Variants in GTF2H1 observed in about 807,000 individuals in gnomAD.
The protein encoded by GTF2H1 is general transcription factor IIH subunit 1.
A neutral mutation model predicts 71.2 loss-of-function variants in GTF2H1; 16 were observed. The ratio of observed to expected loss-of-function variants is 0.22; its 90% CI spans 0.15 to 0.34. GTF2H1 has a LOEUF of 0.34. Among genes scored for constraint, GTF2H1 ranks in the 10% least tolerant of loss-of-function variants. GTF2H1 has a pLI of 1.00. For synonymous variants in GTF2H1, 215 were observed against 219.0 expected (o/e 0.98, Z 0.16); for missense variants, 498 against 648.2 (o/e 0.77, Z 2.52).
chr11:18,358,216 T>C, intron 12 of GTF2H1, 174 bp downstream of exon 12: 2 of 615,372 alleles, frequency 3.3e-6, no homozygotes, highest in Non-Finnish European at 5.8e-6. Context: ...GATCTTAGGT[T>C]TCAGAACCGT....
In GTF2H1 at chr11:18,326,361, A is replaced by G. The variant is rs1253291213; in HGVS notation, c.-16+3621A>G. On this transcript the variant is annotated intron_variant, in intron 1 of 14. Transcript: ENST00000265963. ...ACATGGCGAAACCCCATCTCTACCA[A>G]ATGTAGAAAAATTAGCGAGGTGTGG... Among the ~76,000 whole-genome samples the G allele has an allele frequency of 2.6e-5, 4 of 152,062 alleles. No homozygotes were observed. The East Asian group carries it at 7.7e-4, about 29-fold the overall frequency.
chr11:18,350,647 GC>G (rs955351581), intron 9 of GTF2H1, among the ~76,000 whole-genome samples: 1 of 152,264 alleles, frequency 6.6e-6, no homozygotes, highest in South Asian at 2.1e-4. Flanking sequence ...TAAAGCTGGA[GC>G]AATTTAAAAC....
chr11:18,338,905 T>A (rs968062581), intron 4 of GTF2H1, among the ~76,000 whole-genome samples: 1 of 152,224 alleles, frequency 6.6e-6, no homozygotes, highest in Non-Finnish European at 1.5e-5. Flanking sequence ...AATACTTACT[T>A]TTTCAAATAT....
At chr11:18,352,766 C>T (rs1865455520) in intron 11 of GTF2H1, among the ~76,000 whole-genome samples, 1 of 152,214 alleles carries the variant, frequency 6.6e-6, no homozygotes, top group South Asian at 2.1e-4. Flanking sequence ...ATGACTCAGG[C>T]TTAAAATATG....
intron 9 of GTF2H1, 109 bp from the exon 10 acceptor site, chr11:18,351,772 G>A: frequency 1.6e-6 from 1 of 620,380 alleles, no homozygotes; most frequent in Non-Finnish European, 2.9e-6. Flanking sequence ...GAAGCTCATG[G>A]TGGGAAGACT....
intron 1 of GTF2H1, among the ~76,000 whole-genome samples, chr11:18,325,750 A>G (rs965477562): frequency 6.6e-6 from 1 of 152,250 alleles, no homozygotes; most frequent in Non-Finnish European, 1.5e-5. Context: ...AGAGCAAGGT[A>G]TATGAATTTA....
chr11:18,363,849 G>T (rs1019234326), intron 14 of GTF2H1, among the ~76,000 whole-genome samples: 3 of 151,948 alleles, frequency 2.0e-5, no homozygotes, highest in South Asian at 4.1e-4. Context: ...GAGGCGGGTG[G>T]ATCACCTGAG....
intron 1 of GTF2H1, among the ~76,000 whole-genome samples, chr11:18,328,357 C>A (rs923045331): frequency 2.7e-5 from 4 of 149,930 alleles, no homozygotes; most frequent in Non-Finnish European, 5.9e-5. Flanking sequence ...CTAAAAAATA[C>A]AAAAATTAGC....
chr11:18,340,629 A>G (rs1051642913), intron 5 of GTF2H1, among the ~76,000 whole-genome samples: 3 of 152,132 alleles, frequency 2.0e-5, no homozygotes, highest in African/African-American at 7.2e-5. Context: ...TGTAGTGTTT[A>G]TTATGTGCCA....
chr11:18,356,924 A>G (rs193077633), intron 11 of GTF2H1, among the ~76,000 whole-genome samples: 18 of 151,560 alleles, frequency 1.2e-4, no homozygotes, highest in African/African-American at 4.4e-4. Flanking sequence ...CCAAGTAGCT[A>G]GGACTACAGG....
At chr11:18,365,301 C>T (rs1438497954) in intron 14 of GTF2H1, among the ~76,000 whole-genome samples, 1 of 152,008 alleles carries the variant, frequency 6.6e-6, no homozygotes, top group Non-Finnish European at 1.5e-5. Flanking sequence ...CTGCTTGGAC[C>T]TGTGAGGTGG....
In GTF2H1 at chr11:18,361,747, G is replaced by A. The variant is rs150657100; in HGVS notation, c.1560+1040G>A. Among the ~76,000 whole-genome samples, 3 of 152,292 alleles carry A rather than the reference G, an allele frequency of 2.0e-5. No homozygotes were observed. The East Asian group carries it at 5.8e-4, about 29-fold the overall frequency. On this transcript the variant is annotated intron_variant, in intron 14 of 14. Transcript: ENST00000265963. ...TTAATTTGGAAAAACTGAGTAGCAA[G>A]CACAAACCTAGCAGCGTAAGGAAAG...
chr11:18,360,742 T>C (rs1865676284), intron 14 of GTF2H1, 35 bp downstream of exon 14: 1 of 1,059,854 alleles, frequency 9.4e-7, no homozygotes, highest in East Asian at 2.5e-5. Flanking sequence ...CTGATCTTCT[T>C]TCTCTTTGTA....
intron 14 of GTF2H1, among the ~76,000 whole-genome samples, chr11:18,363,600 A>T (rs986952525): frequency 6.6e-6 from 1 of 152,230 alleles, no homozygotes; most frequent in Non-Finnish European, 1.5e-5. Context: ...ATCATCAGCA[A>T]GATTTTTCAT....
chr11:18,343,665 G>A, intron 7 of GTF2H1, among the ~76,000 whole-genome samples: 1 of 152,160 alleles, frequency 6.6e-6, no homozygotes. Context: ...AGCTCTAGCT[G>A]CCTACTTGAC....
At position 18,350,566 on chromosome 11, in the gene GTF2H1, T is replaced by C. The variant is rs117646910; in HGVS notation, c.1054-1315T>C. 4.0e-5 allele frequency among the ~76,000 whole-genome samples: 6 copies of C among 151,454 alleles called. No individual in the cohort carries two copies. The East Asian group carries it at 1.2e-3, about 29-fold the overall frequency. On this transcript the variant is annotated intron_variant, in intron 9 of 14. Coordinates refer to ENST00000265963, the MANE Select transcript of GTF2H1 (RefSeq NM_005316.4). ...CAATTTAAAACGTTAAGTTTTCAGATTGAGGTCAGATTTGTGACTTCATGT... is the reference window on the plus strand; with the variant it reads ...CAATTTAAAACGTTAAGTTTTCAGACTGAGGTCAGATTTGTGACTTCATGT...
In GTF2H1 at chr11:18,351,947, C is replaced by T. The variant is rs926404902; in HGVS notation, c.1120C>T (p.Leu374=). The change falls in exon 10 of 15, where the codon CTA becomes TTA. Residue 374 remains leucine, a synonymous_variant. Transcript: ENST00000265963. The part of the protein sequence containing the change: ...GKNNSVKTIA[L]NLKKSDRYYH... ...AAATAATTCTGTAAAAACGATTGCACTAAACCTCAAGAAGTCAGATAGGTA... is the reference window on the plus strand; with the variant it reads ...AAATAATTCTGTAAAAACGATTGCATTAAACCTCAAGAAGTCAGATAGGTA... The T allele has an allele frequency of 2.5e-6, 4 of 1,592,082 alleles. No homozygotes were observed. The highest frequency in any genetic ancestry group is 3.4e-6 in the Non-Finnish European group (4 of 1,160,268).
Position 18,322,597 on chromosome 11 carries a change from A to AC in GTF2H1, c.-154dup, listed in dbSNP as rs1178844110. 6.6e-6 allele frequency: 1 copy of AC among 152,048 alleles called. No homozygotes were observed. The highest frequency in any genetic ancestry group is 1.5e-5 in the Non-Finnish European group (1 of 68,020). 9.4% of individuals were successfully genotyped at this position (152,048 alleles called of 1,614,324 possible). ...CCTCGCAGCCAGCGATGGAGGCGAG[A>AC]CCCCCTAGTAACAGAGGCGGTGGCT... On this transcript the variant is annotated 5_prime_UTR_variant, in exon 1 of 15. It introduces an in-frame stop codon into an upstream open reading frame of the 5' UTR. Transcript: ENST00000265963.
At chr11:18,350,932 G>C (rs1212701534) in intron 9 of GTF2H1, among the ~76,000 whole-genome samples, 1 of 152,186 alleles carries the variant, frequency 6.6e-6, no homozygotes, top group African/African-American at 2.4e-5. Flanking sequence ...ATTACTAAAA[G>C]AGTCCAGAAG....
Sources: gnomAD v4.1 joint callset for allele counts (sites outside exome capture counted in the v4.1 genomes callset) on GRCh38, gnomAD v4.1.1 for gene constraint, MANE v1.5 for transcripts, NCBI Gene and HGNC (gene_info 2026-07-23, HGNC 2026-07-21) for gene names.